Variants in FTHL17 observed in about 807,000 individuals in gnomAD.
FTHL17 encodes the protein ferritin heavy chain like 17, also known as ferritin heavy polypeptide-like 17.
For missense variants in FTHL17, 146 were observed against 156.7 expected (o/e 0.93, Z 0.37); for synonymous variants, 85 against 76.6 (o/e 1.11, Z -0.58).
Position 31,071,402 on chromosome X carries a change from T to G in FTHL17, c.552A>C (p.Ter184CysextTer40). The change falls in exon 1 of 1, where the codon TGA becomes TGC. Residue 184 changes from the stop codon to cysteine, a stop_lost. Coordinates refer to ENST00000359202, the MANE Select transcript of FTHL17 (RefSeq NM_031894.3). Reference protein sequence around the residue: ...LTLGGRVKET* With the variant: ...LTLGGRVKETC ...CCGTGGCTGTGGGGCCCATCTGGGC[T>G]CAAGTCTCTTTGACGCGGCCGCCCA... 1 of 1,205,939 alleles carries G rather than the reference T, an allele frequency of 8.3e-7. No individual in the cohort carries two copies. Among genetic ancestry groups the G allele is most frequent in the Non-Finnish European group, 1.1e-6 (1 of 891,731 alleles).
At position 31,071,774 on chromosome X, in the gene FTHL17, C is replaced by T. The variant is rs752354910; in HGVS notation, c.180G>A (p.Ser60=). 29 of 1,209,845 alleles carry T rather than the reference C, an allele frequency of 2.4e-5. No homozygotes were observed. The highest frequency in any genetic ancestry group is 3.0e-5 in the Non-Finnish European group (27 of 895,150). The part of the protein sequence containing the change: ...ENFFRYFLRL[S]DDKMEHAQKL... ...TCTGGGCATGCTCCATTTTGTCGTC[C>T]GACAGGCGCAGGAAGTAGCGGAAGA... is the stretch of plus-strand genomic sequence containing the variant. The change falls in exon 1 of 1, where the codon TCG becomes TCA. Residue 60 remains serine, a synonymous_variant. Transcript: ENST00000359202.
chrX:31,071,735 C>T lies in FTHL17; in HGVS notation c.219G>A (p.Leu73=), dbSNP rs1316347486. ...KMEHAQKLMR[L]QNLRGGHICL... ...AGATGTGGCCACCGCGCAGGTTCTG[C>T]AGCCTCATCAGCTTCTGGGCATGCT... is the stretch of plus-strand genomic sequence containing the variant. The change falls in exon 1 of 1, where the codon CTG becomes CTA. Residue 73 remains leucine, a synonymous_variant. Coordinates refer to ENST00000359202, the MANE Select transcript of FTHL17 (RefSeq NM_031894.3). 8 of 1,211,239 alleles carry T rather than the reference C, an allele frequency of 6.6e-6. No individual in the cohort carries two copies. Among genetic ancestry groups the T allele is most frequent in the Non-Finnish European group, 8.9e-6 (8 of 894,939 alleles).
In FTHL17 at chrX:31,072,037, A is replaced by C. The variant is rs943330628; in HGVS notation, c.-84T>G. Reference sequence around the variant, plus strand: ...GCAGCTGAGGTGACAAGAATGGCGGATAGTGAAAGGCGGGTGTGCGATGAA... The same window carrying C: ...GCAGCTGAGGTGACAAGAATGGCGGCTAGTGAAAGGCGGGTGTGCGATGAA... On this transcript the variant is annotated 5_prime_UTR_variant, in exon 1 of 1. Transcript: ENST00000359202. The C allele has an allele frequency of 2.9e-5, 22 of 757,800 alleles. No individual in the cohort carries two copies. Among genetic ancestry groups the C allele is most frequent in the Non-Finnish European group, 4.1e-5 (21 of 517,985 alleles). 62.5% of individuals were successfully genotyped at this position (757,800 alleles called of 1,213,427 possible).
In FTHL17 at chrX:31,071,980, A is replaced by C. The variant is rs1200336715; in HGVS notation, c.-27T>G. 2 of 1,162,703 alleles carry C rather than the reference A, an allele frequency of 1.7e-6. No homozygotes were observed. Among genetic ancestry groups the C allele is most frequent in the African/African-American group, 3.6e-5 (2 of 55,911 alleles). ...GCGGGCAGCGCAAGTGCAGGCGAGC[A>C]CACGGGCGAAGTCGGTGCGGTAGCG... is the stretch of plus-strand genomic sequence containing the variant. On this transcript the variant is annotated 5_prime_UTR_variant, in exon 1 of 1. Transcript: ENST00000359202.
chrX:31,071,480 C>T lies in FTHL17; in HGVS notation c.474G>A (p.Lys158=), dbSNP rs1303265957. ...CCAGGCCGGCTTCCGGGGAACAAATCTTGCGCAGGTTGCTCACGTAGCCAC... is the reference window on the plus strand; with the variant it reads ...CCAGGCCGGCTTCCGGGGAACAAATTTTGCGCAGGTTGCTCACGTAGCCAC... ...ELGGYVSNLR[K]ICSPEAGLAE... is the part of the protein sequence containing the mutation. The change falls in exon 1 of 1, where the codon AAG becomes AAA. Residue 158 remains lysine, a synonymous_variant. Transcript: ENST00000359202. 1 of 1,210,073 alleles carries T rather than the reference C, an allele frequency of 8.3e-7. No homozygotes were observed. Among genetic ancestry groups the T allele is most frequent in the Non-Finnish European group, 1.1e-6 (1 of 895,162 alleles).
rs372030733 is a variant in FTHL17, at chrX:31,071,964, G to A, written c.-11C>T. The stretch of plus-strand genomic sequence containing the variant: ...CTGGGCGGTGGCCATGGCGGGCAGC[G>A]CAAGTGCAGGCGAGCACACGGGCGA... On this transcript the variant is annotated 5_prime_UTR_variant, in exon 1 of 1. Coordinates refer to ENST00000359202, the MANE Select transcript of FTHL17 (RefSeq NM_031894.3). 2 of 1,192,650 alleles carry A rather than the reference G, an allele frequency of 1.7e-6. No individual in the cohort carries two copies. Among genetic ancestry groups the A allele is most frequent in the African/African-American group, 1.7e-5 (1 of 57,385 alleles).
At position 31,072,041 on chromosome X, in the gene FTHL17, T is replaced by A; in HGVS notation, c.-88A>T. 3 of 759,038 alleles carry A rather than the reference T, an allele frequency of 4.0e-6. No homozygotes were observed. In the Admixed American group the frequency reaches 8.6e-5, roughly 22 times the overall value. 62.6% of individuals were successfully genotyped at this position (759,038 alleles called of 1,213,427 possible). A position where few individuals can be genotyped will look rare whatever the true frequency, so the allele number is the denominator to read the frequency against. On this transcript the variant is annotated 5_prime_UTR_variant, in exon 1 of 1. Transcript: ENST00000359202. ...CTGAGGTGACAAGAATGGCGGATAG[T>A]GAAAGGCGGGTGTGCGATGAAACCG...
Position 31,071,518 on chromosome X carries a change from T to C in FTHL17, c.436A>G (p.Ile146Val). The C allele has an allele frequency of 8.3e-7, 1 of 1,211,543 alleles. No homozygotes were observed. The highest frequency in any genetic ancestry group is 1.1e-6 in the Non-Finnish European group (1 of 895,221). The change falls in exon 1 of 1, where the codon ATC becomes GTC. Residue 146 changes from isoleucine (I) to valine (V), a missense_variant. Transcript: ENST00000359202. Reference protein sequence around the residue: ...SHYLHEQVKTIKELGGYVSNL... With the variant: ...SHYLHEQVKTVKELGGYVSNL... ...CTCACGTAGCCACCCAGCTCTTTGA[T>C]GGTCTTGACTTGCTCGTGCAGGTAG...
Position 31,071,259 on chromosome X carries a change from T to C in FTHL17, c.*143A>G. The C allele has an allele frequency of 2.0e-6, 1 of 488,405 alleles. No homozygotes were observed. The highest frequency in any genetic ancestry group is 3.4e-6 in the Non-Finnish European group (1 of 290,746). 40.3% of individuals were successfully genotyped at this position (488,405 alleles called of 1,213,427 possible). On this transcript the variant is annotated 3_prime_UTR_variant, in exon 1 of 1. Coordinates refer to ENST00000359202, the MANE Select transcript of FTHL17 (RefSeq NM_031894.3). ...GTATCAAATGGACACCTTTATTGCT[T>C]TGAGAACCAGATAACTTTTTTGCTA... is the stretch of plus-strand genomic sequence containing the variant.
At position 31,071,482 on chromosome X, in the gene FTHL17, T is replaced by C. The variant is rs759813587; in HGVS notation, c.472A>G (p.Lys158Glu). Residue 158 changes from lysine to glutamate, a missense_variant, in exon 1 of 1, where the codon AAG becomes GAG. Coordinates refer to ENST00000359202, the MANE Select transcript of FTHL17 (RefSeq NM_031894.3). ...AGGCCGGCTTCCGGGGAACAAATCT[T>C]GCGCAGGTTGCTCACGTAGCCACCC... The part of the protein sequence containing the change: ...ELGGYVSNLR[K>E]ICSPEAGLAE... 4 of 1,211,394 alleles carry C rather than the reference T, an allele frequency of 3.3e-6. No homozygotes were observed. The highest frequency in any genetic ancestry group is 1.1e-6 in the Non-Finnish European group (1 of 895,179).
chrX:31,071,388 G>A lies in FTHL17; in HGVS notation c.*14C>T, dbSNP rs1178484675. The stretch of plus-strand genomic sequence containing the variant: ...CCAGGGAAGGGACCCCGTGGCTGTG[G>A]GGCCCATCTGGGCTCAAGTCTCTTT... On this transcript the variant is annotated 3_prime_UTR_variant, in exon 1 of 1. Transcript: ENST00000359202. The A allele has an allele frequency of 9.2e-6, 11 of 1,191,463 alleles. No individual in the cohort carries two copies. Among genetic ancestry groups the A allele is most frequent in the Admixed American group, 2.2e-5 (1 of 45,592 alleles).
Position 31,071,533 on chromosome X carries a change from C to A in FTHL17, c.421G>T (p.Glu141Ter). The A allele has an allele frequency of 2.5e-6, 3 of 1,211,727 alleles. No homozygotes were observed. Among genetic ancestry groups the A allele is most frequent in the South Asian group, 1.8e-5 (1 of 56,994 alleles). ...AGCTCTTTGATGGTCTTGACTTGCT[C>A]GTGCAGGTAGTGGCTCTCCAGGAAG... ...CHFLESHYLH[E>*]QVKTIKELGG... Residue 141 changes from glutamate (E) to a stop codon, truncating the protein, a stop_gained, in exon 1 of 1, where the codon GAG (glutamate) becomes TAG (stop). Coordinates refer to ENST00000359202, the MANE Select transcript of FTHL17 (RefSeq NM_031894.3). LOFTEE classifies it low-confidence loss of function (END_TRUNC).
Position 31,071,810 on chromosome X carries a change from G to A in FTHL17, c.144C>T (p.Ala48=). 1 of 1,211,168 alleles carries A rather than the reference G, an allele frequency of 8.3e-7. No homozygotes were observed. Among genetic ancestry groups the A allele is most frequent in the Non-Finnish European group, 1.1e-6 (1 of 895,168 alleles). The change falls in exon 1 of 1, where the codon GCC becomes GCT. Residue 48 remains alanine (A), a synonymous_variant. Coordinates refer to ENST00000359202, the MANE Select transcript of FTHL17 (RefSeq NM_031894.3). The part of the protein sequence containing the change: ...MAFYFNRDDV[A]LENFFRYFLR... The stretch of plus-strand genomic sequence containing the variant: ...GGAAGTAGCGGAAGAAGTTCTCCAG[G>A]GCCACGTCGTCCCGGTTGAAGTAGA...
Position 31,071,496 on chromosome X carries a change from A to C in FTHL17, c.458T>G (p.Val153Gly), listed in dbSNP as rs775622980. The change falls in exon 1 of 1, where the codon GTG becomes GGG. Residue 153 changes from valine to glycine, a missense_variant. By Grantham distance (109) the Val-to-Gly change is moderately radical (BLOSUM62 -3). Coordinates refer to ENST00000359202, the MANE Select transcript of FTHL17 (RefSeq NM_031894.3). Reference sequence around the variant, plus strand: ...GGAACAAATCTTGCGCAGGTTGCTCACGTAGCCACCCAGCTCTTTGATGGT... The same window carrying C: ...GGAACAAATCTTGCGCAGGTTGCTCCCGTAGCCACCCAGCTCTTTGATGGT... ...VKTIKELGGY[V>G]SNLRKICSPE... The C allele has an allele frequency of 4.1e-6, 5 of 1,211,147 alleles. No individual in the cohort carries two copies. The East Asian group carries it at 1.5e-4, about 36-fold the overall frequency.
chrX:31,071,915 G>A lies in FTHL17; in HGVS notation c.39C>T (p.Tyr13=), dbSNP rs779874259. 5.8e-6 allele frequency: 7 copies of A among 1,206,707 alleles called. No individual in the cohort carries two copies. The highest frequency in any genetic ancestry group is 7.8e-6 in the Non-Finnish European group (7 of 892,933). The change falls in exon 1 of 1, where the codon TAC becomes TAT. Residue 13 remains tyrosine (Y), a synonymous_variant. Transcript: ENST00000359202. ...TAQPSQVRQK[Y]DTNCDAAINS... ...TGATGGCGGCGTCGCAGTTGGTGTC[G>A]TACTTCTGGCGCACCTGCGACGGCT...
Position 31,071,728 on chromosome X carries a change from G to A in FTHL17, c.226C>T (p.Leu76=), listed in dbSNP as rs751965888. The A allele has an allele frequency of 2.5e-6, 3 of 1,211,675 alleles. No individual in the cohort carries two copies. In the Admixed American group the frequency reaches 6.5e-5, roughly 26 times the overall value. The change falls in exon 1 of 1, where the codon CTG becomes TTG. Residue 76 remains leucine, a synonymous_variant. Transcript: ENST00000359202. ...TGAAGGCAGATGTGGCCACCGCGCA[G>A]GTTCTGCAGCCTCATCAGCTTCTGG... is the stretch of plus-strand genomic sequence containing the variant. ...HAQKLMRLQN[L]RGGHICLHDI...
In FTHL17 at chrX:31,071,846, CAGGTACAGGT is replaced by C. The variant is rs1444459839; in HGVS notation, c.98_107del (p.Tyr33CysfsTer35). The C allele has an allele frequency of 5.8e-6, 7 of 1,209,851 alleles. No individual in the cohort carries two copies. Among genetic ancestry groups the C allele is most frequent in the Non-Finnish European group, 7.8e-6 (7 of 893,974 alleles). On this transcript the variant is annotated frameshift_variant, in exon 1 of 1. Transcript: ENST00000359202. LOFTEE classifies it low-confidence loss of function (END_TRUNC). ...CCCGGTTGAAGTAGAAGGCCATAGACAGGTACAGGTAGGAGGTGTAGAGCTCCAGCGTGAT... is the reference window on the plus strand; with the variant it reads ...CCCGGTTGAAGTAGAAGGCCATAGACAGGAGGTGTAGAGCTCCAGCGTGAT...
In FTHL17 at chrX:31,071,294, A is replaced by C; in HGVS notation, c.*108T>G. 1.6e-6 allele frequency: 1 copy of C among 638,144 alleles called. No homozygotes were observed. Among genetic ancestry groups the C allele is most frequent in the Non-Finnish European group, 2.4e-6 (1 of 417,362 alleles). 52.6% of individuals were successfully genotyped at this position (638,144 alleles called of 1,213,427 possible). On this transcript the variant is annotated 3_prime_UTR_variant, in exon 1 of 1. Coordinates refer to ENST00000359202, the MANE Select transcript of FTHL17 (RefSeq NM_031894.3). ...GATAACTTTTTTGCTAACAATGGTA[A>C]AACTGAAAGATAAAACTGAAGAGAA... is the stretch of plus-strand genomic sequence containing the variant.
chrX:31,071,976 G>A lies in FTHL17; in HGVS notation c.-23C>T, dbSNP rs776196229. On this transcript the variant is annotated 5_prime_UTR_variant, in exon 1 of 1. Coordinates refer to ENST00000359202, the MANE Select transcript of FTHL17 (RefSeq NM_031894.3). ...CATGGCGGGCAGCGCAAGTGCAGGC[G>A]AGCACACGGGCGAAGTCGGTGCGGT... is the stretch of plus-strand genomic sequence containing the variant. The A allele has an allele frequency of 1.6e-5, 19 of 1,174,051 alleles. No homozygotes were observed. The highest frequency in any genetic ancestry group is 2.2e-5 in the Non-Finnish European group (19 of 866,313).
Sources: gnomAD v4.1 joint callset for allele counts on GRCh38, gnomAD v4.1.1 for gene constraint, MANE v1.5 for transcripts, NCBI Gene and HGNC (gene_info 2026-07-23, HGNC 2026-07-21) for gene names.